Variants in MIAT observed in about 807,000 individuals in gnomAD.
MIAT encodes the protein myocardial infarction associated transcript.
At chr22:26,648,079 G>A (rs984485125) in intron 2 of MIAT, among the ~76,000 whole-genome samples, 4 of 152,092 alleles carry the variant, frequency 2.6e-5, no homozygotes, top group Non-Finnish European at 4.4e-5. Context: ...GCAGGCGGGC[G>A]GGGAGGAGGG....
exon 5 of MIAT, chr22:26,676,150 G>A (rs1931255316): frequency 2.5e-6 from 1 of 396,022 alleles, no homozygotes; most frequent in Admixed American, 4.4e-5. Context: ...CCCAATGTGA[G>A]GGCTGTGCTG....
At chr22:26,650,773 C>T (rs1028542640) in intron 2 of MIAT, among the ~76,000 whole-genome samples, 1 of 152,008 alleles carries the variant, frequency 6.6e-6, no homozygotes, top group Non-Finnish European at 1.5e-5. Flanking sequence ...TACATCCCTT[C>T]CTAGGGGAAA....
intron 3 of MIAT, among the ~76,000 whole-genome samples, chr22:26,663,707 G>A (rs1569221199): frequency 6.6e-6 from 1 of 152,074 alleles, no homozygotes; most frequent in Non-Finnish European, 1.5e-5. Flanking sequence ...ACATACAAAT[G>A]AGTTTTACAA....
intron 3 of MIAT, among the ~76,000 whole-genome samples, chr22:26,665,102 G>A (rs114519915): frequency 0.033 from 4,974 of 152,086 alleles, 262 homozygotes; most frequent in African/African-American, 0.11. Context: ...TTAGCCGGGC[G>A]TGGTGGCACA....
exon 5 of MIAT, chr22:26,675,288 C>G (rs547517412): frequency 2.5e-6 from 1 of 398,716 alleles, no homozygotes; most frequent in East Asian, 3.6e-5. Flanking sequence ...CAAAGAGGTT[C>G]TGGAAGGTTC....
chr22:26,673,667 GTT>G (rs1931152126), downstream of MIAT: 33 of 213,912 alleles, frequency 1.5e-4, no homozygotes, highest in South Asian at 6.2e-3. Context: ...GCTAACACAG[GTT>G]TGAACTTGGC....
At chr22:26,674,012 C>G, downstream of MIAT, 1 of 398,628 alleles carries the variant, frequency 2.5e-6, no homozygotes, top group Non-Finnish European at 4.4e-6. Flanking sequence ...AAATACCTGT[C>G]TGGTGTCTAC....
rs538677032 is a variant in MIAT at position 26,652,336 on chromosome 22, C to T, written n.646+5025C>T. On this transcript the variant is annotated intron_variant and non_coding_transcript_variant, in intron 2 of 5. Transcript: ENST00000643270. Reference sequence around the variant, plus strand: ...CTTAGATTATGTGAATTTCCTATCTCTCTCTCTCTTTATTTATTCATTCAT... The same window carrying T: ...CTTAGATTATGTGAATTTCCTATCTTTCTCTCTCTTTATTTATTCATTCAT... Among the ~76,000 whole-genome samples, 18 of 152,056 alleles carry T rather than the reference C, an allele frequency of 1.2e-4. No homozygotes were observed. The South Asian group carries it at 3.7e-3, about 32-fold the overall frequency.
Position 26,661,917 on chromosome 22 carries a change from CATATATATATAT to C in MIAT, n.647-1365_647-1354del, listed in dbSNP as rs58654108. Among the ~76,000 whole-genome samples, 472 of 80,524 alleles carry C rather than the reference CATATATATATAT, an allele frequency of 5.9e-3. 6 individuals are homozygous for C. Among genetic ancestry groups the C allele is most frequent in the African/African-American group, 0.011 (288 of 26,144 alleles). The allele number at this position is 80,524 out of a possible 152,430, so 52.8% of individuals were successfully genotyped here. ...ATATATATATGGATCTATATAGATC[CATATATATATAT>C]ATATATATATATATATATATATATA... On this transcript the variant is annotated intron_variant and non_coding_transcript_variant, in intron 2 of 5. Coordinates refer to ENST00000643270, the Ensembl canonical transcript of MIAT.
intron 3 of MIAT, among the ~76,000 whole-genome samples, chr22:26,664,595 A>G (rs1041010136): frequency 6.6e-6 from 1 of 152,190 alleles, no homozygotes; most frequent in South Asian, 2.1e-4. Context: ...TATAAATGAG[A>G]TCATACAATA....
exon 6 of MIAT, chr22:26,669,262 C>T (rs1425889902): frequency 5.0e-6 from 2 of 398,554 alleles, no homozygotes; most frequent in African/African-American, 4.1e-5. Flanking sequence ...TATTCATCAG[C>T]TTGGGCTGCC....
chr22:26,657,053 C>A (rs1312324619), intron 2 of MIAT, among the ~76,000 whole-genome samples: 2 of 152,270 alleles, frequency 1.3e-5, no homozygotes, highest in Admixed American at 1.3e-4. Context: ...GAGGCATACA[C>A]CCGAGGTCTT....
At chr22:26,670,602 T>TAAAAA (rs34401113), downstream of MIAT, 1,648 of 310,090 alleles carry the variant, frequency 5.3e-3, 51 homozygotes, top group African/African-American at 0.047. Flanking sequence ...CATTGCTCCT[T>TAAAAA]AAAAAAAAAA....
chr22:26,654,303 A>C (rs924200194), intron 2 of MIAT, among the ~76,000 whole-genome samples: 1 of 152,164 alleles, frequency 6.6e-6, no homozygotes, highest in Non-Finnish European at 1.5e-5. Context: ...GCTCATCCTT[A>C]AGAAGCCCCA....
chr22:26,672,525 G>A (rs185486646), downstream of MIAT: 182 of 399,404 alleles, frequency 4.6e-4, no homozygotes, highest in East Asian at 4.9e-3. Flanking sequence ...TCTCTGGGAC[G>A]TGAGTGTGGA....
chr22:26,663,512 G>A, intron 3 of MIAT: 1 of 394,966 alleles, frequency 2.5e-6, no homozygotes. Context: ...ATCTTAAGGT[G>A]GGAGAGACTT....
chr22:26,671,742 C>A, downstream of MIAT: 1 of 398,504 alleles, frequency 2.5e-6, no homozygotes, highest in Non-Finnish European at 4.4e-6. Context: ...ACCTCAGTTT[C>A]CTCAGTGGTA....
chr22:26,656,760 GCGCGGTGGCT>G (rs1257290256), intron 2 of MIAT, among the ~76,000 whole-genome samples: 1 of 152,160 alleles, frequency 6.6e-6, no homozygotes, highest in Non-Finnish European at 1.5e-5. Flanking sequence ...ACTAATCCGG[GCGCGGTGGCT>G]CGCGCCTGTA....
At chr22:26,673,276 C>T (rs1027099616), downstream of MIAT, 5 of 398,710 alleles carry the variant, frequency 1.3e-5, no homozygotes, top group African/African-American at 8.2e-5. Context: ...GCCGCTAAGC[C>T]GGGGCCACAC....
Sources: allele counts gnomAD v4.1 joint callset (sites outside exome capture counted in the v4.1 genomes callset), GRCh38; gene constraint gnomAD v4.1.1; transcripts MANE v1.5; gene names NCBI Gene and HGNC (gene_info 2026-07-23, HGNC 2026-07-21).